Variants in LPP observed in about 807,000 individuals in gnomAD.
The protein encoded by LPP is LIM domain containing preferred translocation partner in lipoma, also known as lipoma-preferred partner.
In LPP, 38 loss-of-function variants were observed where a neutral mutation model predicts 60.4. The ratio of observed to expected loss-of-function variants is 0.63; its 90% CI spans 0.49 to 0.83. The LOEUF is 0.83. Ranked by LOEUF, LPP falls within the 40% of genes least tolerant of loss-of-function variation. The probability of loss-of-function intolerance (pLI) is 0.00; values close to 1 mark genes in which losing one functional copy is unlikely to be tolerated. For synonymous variants in LPP, 328 were observed against 290.8 expected, an observed-to-expected ratio of 1.13 and a Z score of -1.30; for missense variants, 902 against 783.6, an observed-to-expected ratio of 1.15 and a Z score of -1.80.
rs7629148 is a variant in LPP at position 188,272,458 on chromosome 3, C to G, written c.-67+46931C>G. ...TTTTGTGTAACATTCACCTCCTTTC[C>G]CAGTCTAGTTCCACCTAACGGTTCT... is the stretch of plus-strand genomic sequence containing the variant. On this transcript the variant is annotated intron_variant, in intron 2 of 11. Coordinates refer to ENST00000617246, the MANE Select transcript of LPP (RefSeq NM_001375462.1). 7.3e-3 allele frequency among the ~76,000 whole-genome samples: 1,112 copies of G among 152,244 alleles called. 17 individuals carry two copies. Among genetic ancestry groups the G allele is most frequent in the African/African-American group, 0.026 (1,079 of 41,540 alleles).
intron 3 of LPP, among the ~76,000 whole-genome samples, chr3:188,343,215 T>G (rs913041219): frequency 1.3e-5 from 2 of 152,076 alleles, no homozygotes; most frequent in Non-Finnish European, 2.9e-5. Flanking sequence ...CCTCCCTGTG[T>G]CCATGTGTTC....
Position 188,886,774 on chromosome 3 carries a change from A to G in LPP, c.*12295A>G, listed in dbSNP as rs1238538240. 2.0e-5 allele frequency: 4 copies of G among 198,228 alleles called. No homozygotes were observed. The East Asian group carries it at 2.7e-4, about 14-fold the overall frequency. The allele number at this position is 198,228 out of a possible 1,614,324, so 12.3% of individuals were successfully genotyped here. A position where few individuals can be genotyped will look rare whatever the true frequency, so the allele number is the denominator to read the frequency against. On this transcript the variant is annotated 3_prime_UTR_variant, in exon 12 of 12. Transcript: ENST00000617246. ...CACACACACACACACACCCCTTCCA[A>G]GAAAGCTGATCCTTCAGAAAATAAA... is the stretch of plus-strand genomic sequence containing the variant.
intron 6 of LPP, among the ~76,000 whole-genome samples, chr3:188,530,204 G>A (rs1821785093): frequency 6.6e-6 from 1 of 152,174 alleles, no homozygotes; most frequent in South Asian, 2.1e-4. Context: ...ATGCCCAAGG[G>A]CTTTCATTGT....
At chr3:188,433,913 A>G (rs1234284029) in intron 4 of LPP, among the ~76,000 whole-genome samples, 1 of 152,188 alleles carries the variant, frequency 6.6e-6, no homozygotes, top group Non-Finnish European at 1.5e-5. Flanking sequence ...GGTGAGGACA[A>G]AAGAAACCCT....
chr3:188,736,178 T>C (rs1722436708), intron 8 of LPP, among the ~76,000 whole-genome samples: 1 of 152,202 alleles, frequency 6.6e-6, no homozygotes, highest in Admixed American at 6.5e-5. Flanking sequence ...ATTTTCTCTG[T>C]GCTTTATAAT....
chr3:188,249,899 A>ATT (rs770671701), intron 2 of LPP, among the ~76,000 whole-genome samples: 1 of 120,378 alleles, frequency 8.3e-6, no homozygotes, highest in African/African-American at 3.9e-5. Flanking sequence ...ATATATATAT[A>ATT]TATTTTTTTT....
Position 188,722,084 on chromosome 3 carries a change from T to C in LPP, c.1240+13691T>C, listed in dbSNP as rs1310019546. ...ATTGTAAACAAACCCAAGAATTATATTTCCTAGATCACTTTATGCTCTGCT... is the reference window on the plus strand; with the variant it reads ...ATTGTAAACAAACCCAAGAATTATACTTCCTAGATCACTTTATGCTCTGCT... On this transcript the variant is annotated intron_variant, in intron 8 of 11. Transcript: ENST00000617246. Among the ~76,000 whole-genome samples the C allele has an allele frequency of 2.0e-5, 3 of 152,188 alleles. No homozygotes were observed. The East Asian group carries it at 5.8e-4, about 29-fold the overall frequency.
chr3:188,776,238 G>A (rs1463586992), intron 9 of LPP, among the ~76,000 whole-genome samples: 1 of 152,164 alleles, frequency 6.6e-6, no homozygotes, highest in Admixed American at 6.5e-5. Context: ...GGGAGAGGAG[G>A]GGACTGGCAT....
intron 3 of LPP, among the ~76,000 whole-genome samples, chr3:188,363,285 C>T (rs1046042032): frequency 8.2e-4 from 125 of 152,214 alleles, no homozygotes; most frequent in Non-Finnish European, 1.0e-4. Flanking sequence ...GGATTTATCA[C>T]GAAGGTACCA....
At chr3:188,830,306 T>TA (rs1046076554) in intron 9 of LPP, among the ~76,000 whole-genome samples, 1,635 of 135,216 alleles carry the variant, frequency 0.012, 14 homozygotes, top group African/African-American at 0.034. Flanking sequence ...AAGCACTATT[T>TA]AAAAAAAAAA....
chr3:188,201,039 G>T (rs1299622486), intron 1 of LPP, among the ~76,000 whole-genome samples: 2 of 152,170 alleles, frequency 1.3e-5, no homozygotes, highest in Non-Finnish European at 2.9e-5. Flanking sequence ...GACAGCAGTT[G>T]ATTTGCAATT....
chr3:188,564,434 T>C (rs1289727655), intron 6 of LPP, among the ~76,000 whole-genome samples: 1 of 151,984 alleles, frequency 6.6e-6, no homozygotes, highest in Non-Finnish European at 1.5e-5. Flanking sequence ...CAAAATAAAC[T>C]CTCTCCCCTA....
At chr3:188,825,306 T>G (rs1393489255) in intron 9 of LPP, among the ~76,000 whole-genome samples, 1 of 149,338 alleles carries the variant, frequency 6.7e-6, no homozygotes, top group Non-Finnish European at 1.5e-5. Context: ...TGTGTGTGTG[T>G]GTGTGTGTGT....
chr3:188,843,324 A>C (rs1419738994), intron 9 of LPP, among the ~76,000 whole-genome samples: 1 of 152,124 alleles, frequency 6.6e-6, no homozygotes, highest in Non-Finnish European at 1.5e-5. Flanking sequence ...TGAAGTGGGA[A>C]GGGTACTGGC....
At chr3:188,712,936 G>C (rs1471083487) in intron 8 of LPP, 1 of 151,428 alleles carries the variant, frequency 6.6e-6, no homozygotes, top group Non-Finnish European at 1.5e-5. Context: ...TATAGTTCTT[G>C]TTTCTTTGCG....
chr3:188,456,204 C>T (rs1797704093), intron 4 of LPP, among the ~76,000 whole-genome samples: 1 of 152,166 alleles, frequency 6.6e-6, no homozygotes, highest in African/African-American at 2.4e-5. Flanking sequence ...TTATTGACAC[C>T]ATATTAGAAA....
At chr3:188,266,274 A>G (rs943327553) in intron 2 of LPP, among the ~76,000 whole-genome samples, 2 of 152,206 alleles carry the variant, frequency 1.3e-5, no homozygotes, top group Non-Finnish European at 2.9e-5. Context: ...AGTTTAATAC[A>G]GAATTATTTT....
At chr3:188,414,678 G>GTATTC (rs2148961258) in intron 4 of LPP, among the ~76,000 whole-genome samples, 1 of 152,252 alleles carries the variant, frequency 6.6e-6, no homozygotes, top group South Asian at 2.1e-4. Flanking sequence ...AGTTGAGAAT[G>GTATTC]TATTCACTAA....
chr3:188,782,746 A>AC (rs895966051), intron 9 of LPP, among the ~76,000 whole-genome samples: 7 of 151,704 alleles, frequency 4.6e-5, no homozygotes, highest in Admixed American at 2.0e-4. Flanking sequence ...TGGGAAAAAA[A>AC]AAAACAAAAC....
Sources: allele counts gnomAD v4.1 joint callset (sites outside exome capture counted in the v4.1 genomes callset), GRCh38; gene constraint gnomAD v4.1.1; transcripts MANE v1.5; gene names NCBI Gene and HGNC (gene_info 2026-07-23, HGNC 2026-07-21).